ACBD3: variants seen among roughly 807,000 people sequenced by gnomAD.
ACBD3 encodes the protein acyl-CoA binding domain containing 3, also known as Golgi resident protein GCP60.
Under a neutral mutation model 66.9 loss-of-function variants are expected in ACBD3, and 30 were observed. The ratio of observed to expected loss-of-function variants is 0.45; its 90% CI spans 0.34 to 0.61. The LOEUF is 0.61. ACBD3 is among the 20% of genes least tolerant of loss of function. ACBD3 has a pLI of 0.02. For missense variants in ACBD3, 544 were observed against 664.5 expected, an observed-to-expected ratio of 0.82 and a Z score of 1.99; for synonymous variants, 278 against 259.8, an observed-to-expected ratio of 1.07 and a Z score of -0.68.
At chr1:226,152,874 G>A (rs763081434) in intron 6 of ACBD3, among the ~76,000 whole-genome samples, 43 of 152,308 alleles carry the variant, frequency 2.8e-4, no homozygotes, top group African/African-American at 7.9e-4. Context: ...TTTTAGAAAC[G>A]AATTTTTTTC....
At chr1:226,156,184 C>T (rs1229015116) in intron 5 of ACBD3, among the ~76,000 whole-genome samples, 1 of 152,204 alleles carries the variant, frequency 6.6e-6, no homozygotes, top group Non-Finnish European at 1.5e-5. Flanking sequence ...TTTCTGGGCA[C>T]CTGCCCTGAA....
In ACBD3 at chr1:226,152,329, T is replaced by C; in HGVS notation, c.1375+6A>G. On this transcript the variant is annotated splice_donor_region_variant and intron_variant, in intron 7 of 7. Coordinates refer to ENST00000366812, the MANE Select transcript of ACBD3 (RefSeq NM_022735.4). ...GCAGCTACTGAATATGGACCAAGGG[T>C]TCTACCTTCTTCCTCCTCGTCGTCA... is the stretch of plus-strand genomic sequence containing the variant. 1 of 1,613,338 alleles carries C rather than the reference T, an allele frequency of 6.2e-7. No individual in the cohort carries two copies.
intron 5 of ACBD3, among the ~76,000 whole-genome samples, chr1:226,156,436 T>A (rs540346285): frequency 3.3e-5 from 5 of 152,228 alleles, no homozygotes; most frequent in African/African-American, 1.2e-4. Flanking sequence ...CATTTGGGCA[T>A]GTAAGCAATG....
At chr1:226,155,759 T>C (rs1436553119) in intron 5 of ACBD3, among the ~76,000 whole-genome samples, 3 of 152,202 alleles carry the variant, frequency 2.0e-5, no homozygotes, top group Non-Finnish European at 2.9e-5. Flanking sequence ...TTGTTAATCG[T>C]GTTGTAAAAT....
chr1:226,178,026 C>A (rs1248837954), intron 1 of ACBD3, among the ~76,000 whole-genome samples: 1 of 151,948 alleles, frequency 6.6e-6, no homozygotes. Context: ...GGATTACAGA[C>A]GTGAGCCACT....
At chr1:226,184,685 G>A (rs893546424) in intron 1 of ACBD3, among the ~76,000 whole-genome samples, 1 of 152,022 alleles carries the variant, frequency 6.6e-6, no homozygotes, top group East Asian at 1.9e-4. Context: ...TATACTACAC[G>A]TTACAGTGTT....
intron 1 of ACBD3, among the ~76,000 whole-genome samples, chr1:226,178,106 A>G (rs1037728301): frequency 2.0e-5 from 3 of 152,148 alleles, no homozygotes; most frequent in Non-Finnish European, 4.4e-5. Context: ...CATGATATAC[A>G]AAACACATTT....
At chr1:226,154,918 C>G (rs1031193314) in intron 5 of ACBD3, 85 bp from the exon 6 acceptor site, 1 of 1,208,156 alleles carries the variant, frequency 8.3e-7, no homozygotes, top group African/African-American at 1.6e-5. Flanking sequence ...TGATACCATG[C>G]TTTTGCCCTA....
chr1:226,169,921 G>C (rs1050555284), intron 1 of ACBD3, among the ~76,000 whole-genome samples: 1 of 150,666 alleles, frequency 6.6e-6, no homozygotes, highest in Non-Finnish European at 1.5e-5. Flanking sequence ...GCTACTCAGG[G>C]AGCTGAGGCA....
chr1:226,181,905 A>G (rs1656178159), intron 1 of ACBD3, among the ~76,000 whole-genome samples: 1 of 152,176 alleles, frequency 6.6e-6, no homozygotes, highest in Non-Finnish European at 1.5e-5. Flanking sequence ...CATGGAGATA[A>G]GAAAACCTAG....
At chr1:226,182,051 A>AAGCG (rs1397267189) in intron 1 of ACBD3, among the ~76,000 whole-genome samples, 9 of 152,030 alleles carry the variant, frequency 5.9e-5, no homozygotes, top group Admixed American at 5.9e-4. Flanking sequence ...GCAACAAAGC[A>AAGCG]AGACCTCTGT....
intron 1 of ACBD3, among the ~76,000 whole-genome samples, chr1:226,172,155 C>CAAAAAAAAAAAA (rs779380166): frequency 0.024 from 1,035 of 42,950 alleles, 116 homozygotes; most frequent in Admixed American, 0.085. Flanking sequence ...AACTCCATCT[C>CAAAAAAAAAAAA]AAAAAAAAAA....
intron 1 of ACBD3, among the ~76,000 whole-genome samples, chr1:226,185,104 T>TAA (rs1217838653): frequency 1.3e-5 from 2 of 152,140 alleles, no homozygotes; most frequent in African/African-American, 4.8e-5. Context: ...TATCAAGTGG[T>TAA]AATATATCAT....
chr1:226,146,641 G>A lies in ACBD3; in HGVS notation c.1556C>T (p.Ser519Leu). ...AGTATAATAGACTCTGTAGTAGACT[G>A]ATTTTGACCGCCACAAAGAGTAGGA... ...DNSYSLWRSK[S>L]VYYRVYYTR Residue 519 changes from serine (S) to leucine (L), a missense_variant, in exon 8 of 8, where the codon TCA becomes TTA. Transcript: ENST00000366812. 6.2e-7 allele frequency: 1 copy of A among 1,613,872 alleles called. No homozygotes were observed. Among genetic ancestry groups the A allele is most frequent in the African/African-American group, 1.3e-5 (1 of 74,928 alleles).
At chr1:226,148,525 T>C (rs1046125453) in intron 7 of ACBD3, among the ~76,000 whole-genome samples, 3 of 152,212 alleles carry the variant, frequency 2.0e-5, no homozygotes, top group Non-Finnish European at 4.4e-5. Context: ...AGAAATAGAC[T>C]GGTCCATTGA....
intron 7 of ACBD3, among the ~76,000 whole-genome samples, chr1:226,150,842 T>C (rs537713595): frequency 2.6e-5 from 4 of 152,330 alleles, no homozygotes; most frequent in African/African-American, 9.6e-5. Context: ...AATCTGGACC[T>C]GTGGTATAAT....
At chr1:226,168,673 T>G (rs1659918836) in intron 1 of ACBD3, among the ~76,000 whole-genome samples, 1 of 152,172 alleles carries the variant, frequency 6.6e-6, no homozygotes, top group Admixed American at 6.5e-5. Context: ...ACTCAAGTAT[T>G]TACGATGATG....
chr1:226,186,492 C>T lies in ACBD3; in HGVS notation c.184G>A (p.Glu62Lys). The change falls in exon 1 of 8, where the codon GAG becomes AAG. Residue 62 changes from glutamate to lysine, a missense_variant. This residue lies in a region of ACBD3 where 137 missense variants were observed against 145.9 expected (regional missense o/e 0.94). Coordinates refer to ENST00000366812, the MANE Select transcript of ACBD3 (RefSeq NM_022735.4). ...TCCGCCGCGCCCCCAGCCGCCGCCTCCCCGGGCTCGGGCTGCTCCCCTGAG... is the reference window on the plus strand; with the variant it reads ...TCCGCCGCGCCCCCAGCCGCCGCCTTCCCGGGCTCGGGCTGCTCCCCTGAG... ...GASGEQPEPG[E>K]AAAGGAAEEA... The T allele has an allele frequency of 1.3e-6, 2 of 1,486,362 alleles. No homozygotes were observed. The highest frequency in any genetic ancestry group is 1.8e-6 in the Non-Finnish European group (2 of 1,120,544). The allele number at this position is 1,486,362 out of a possible 1,614,324, so 92.1% of individuals were successfully genotyped here.
intron 1 of ACBD3, among the ~76,000 whole-genome samples, chr1:226,180,058 C>T (rs1656137077): frequency 6.6e-6 from 1 of 151,358 alleles, no homozygotes; most frequent in Non-Finnish European, 1.5e-5. Flanking sequence ...GTAGTCCCAG[C>T]TACTCGGGAG....
Sources: gnomAD v4.1 joint callset for allele counts (sites outside exome capture counted in the v4.1 genomes callset) on GRCh38, gnomAD v4.1.1 for gene constraint, gnomAD v4.1.1 regional missense constraint, MANE v1.5 for transcripts, NCBI Gene and HGNC (gene_info 2026-07-23, HGNC 2026-07-21) for gene names.